The following NR5A2 variants were observed in gnomAD, a reference collection of about 807,000 sequenced individuals.
The protein encoded by NR5A2 is CYP7A promoter-binding factor.
NR5A2 carries 26 observed loss-of-function variants against 62.7 expected under a neutral mutation model. The observed-to-expected ratio is 0.41, with a 90% CI of 0.30 to 0.58. The LOEUF is 0.58. NR5A2 is among the 20% of genes least tolerant of loss of function. The probability of loss-of-function intolerance (pLI) is 0.22; values close to 1 mark genes in which losing one functional copy is unlikely to be tolerated. For missense variants in NR5A2, 541 were observed against 669.1 expected, an observed-to-expected ratio of 0.81 and a Z score of 2.11; for synonymous variants, 246 against 241.7, an observed-to-expected ratio of 1.02 and a Z score of -0.16.
chr1:200,145,998 T>G (rs2102353943), intron 7 of NR5A2, among the ~76,000 whole-genome samples: 1 of 152,322 alleles, frequency 6.6e-6, no homozygotes, highest in East Asian at 1.9e-4. Context: ...CTTCAAAAAT[T>G]TTACTTATCA....
chr1:200,048,613 C>A lies in NR5A2; in HGVS notation c.905C>A (p.Pro302Gln). ...SYQTSSPASI[P>Q]HLILELLKCE... ...CAGACGAGCTCTCCAGCAAGCATCC[C>A]ACATCTGATACTGGAACTTTTGAAG... Residue 302 changes from proline (P) to glutamine (Q), a missense_variant, in exon 5 of 8, where the codon CCA becomes CAA. By Grantham distance (76) the Pro-to-Gln change is moderately conservative (BLOSUM62 -1). Transcript: ENST00000367362. The surrounding 1 kb of genome is among the most constrained non-coding windows in gnomAD (Gnocchi z 4.8). 6.2e-7 allele frequency: 1 copy of A among 1,614,186 alleles called. No homozygotes were observed. Among genetic ancestry groups the A allele is most frequent in the Middle Eastern group, 1.6e-4 (1 of 6,062 alleles).
intron 7 of NR5A2, among the ~76,000 whole-genome samples, chr1:200,155,275 A>AT (rs1431067775): frequency 6.6e-6 from 1 of 152,218 alleles, no homozygotes; most frequent in Non-Finnish European, 1.5e-5. Context: ...ACATTTATGC[A>AT]TTTTTTCTTT....
intron 7 of NR5A2, among the ~76,000 whole-genome samples, chr1:200,161,816 T>C (rs1488808610): frequency 1.3e-5 from 2 of 152,260 alleles, no homozygotes; most frequent in African/African-American, 4.8e-5. Flanking sequence ...AATTTGCATA[T>C]GCTTTGTATT....
At chr1:200,068,807 T>A (rs58775070) in intron 5 of NR5A2, among the ~76,000 whole-genome samples, 2 of 152,116 alleles carry the variant, frequency 1.3e-5, no homozygotes, top group Non-Finnish European at 2.9e-5. Flanking sequence ...AGAATATCAT[T>A]TGGGCTAGGA....
rs138090879 is a variant in NR5A2, at chr1:200,067,239, C to T, written c.1110+18421C>T. 5.1e-3 allele frequency among the ~76,000 whole-genome samples: 774 copies of T among 152,074 alleles called. 9 individuals carry two copies. The highest frequency in any genetic ancestry group is 0.018 in the African/African-American group (739 of 41,490). On this transcript the variant is annotated intron_variant, in intron 5 of 7. Coordinates refer to ENST00000367362, the MANE Select transcript of NR5A2 (RefSeq NM_205860.3). The stretch of plus-strand genomic sequence containing the variant: ...AGCAAAGGAACACAGGAACAGAAAA[C>T]CAAATACCTCATATTCTCACTTATA...
intron 1 of NR5A2, among the ~76,000 whole-genome samples, chr1:200,036,449 G>A (rs1297510227): frequency 1.3e-5 from 2 of 152,180 alleles, no homozygotes; most frequent in Non-Finnish European, 2.9e-5. Context: ...GAGTTCTGAG[G>A]GAGAAGAAAG....
At chr1:200,042,445 A>G (rs541647531) in intron 2 of NR5A2, among the ~76,000 whole-genome samples, 9 of 152,202 alleles carry the variant, frequency 5.9e-5, no homozygotes, top group Non-Finnish European at 1.3e-4. Flanking sequence ...GTGGCGGAGG[A>G]CTTTGGCGAT....
chr1:200,052,927 A>C (rs527574358), intron 5 of NR5A2, among the ~76,000 whole-genome samples: 4 of 152,310 alleles, frequency 2.6e-5, no homozygotes, highest in South Asian at 4.1e-4. Flanking sequence ...GGCATGAGCC[A>C]CCGCACCCGG....
chr1:200,111,220 C>G lies in NR5A2; in HGVS notation c.1129C>G (p.Leu377Val). The G allele has an allele frequency of 6.2e-7, 1 of 1,611,600 alleles. No individual in the cohort carries two copies. The highest frequency in any genetic ancestry group is 8.5e-7 in the Non-Finnish European group (1 of 1,179,372). The change falls in exon 6 of 8, where the codon CTG becomes GTG. Residue 377 changes from leucine (L) to valine (V), a missense_variant. Physicochemically the swap from Leu to Val is conservative, Grantham distance 32 (BLOSUM62 1). Around this residue, in one of 3 missense-constraint regions of NR5A2, gnomAD observed 379 missense variants for 442.0 expected, o/e 0.86. Transcript: ENST00000367362. ...TTTGCAGGTTGATGACCAAATGAAG[C>G]TGCTTCAGAACTGCTGGAGTGAGCT... ...RELKVDDQMK[L>V]LQNCWSELLI...
rs1310501465 is a variant in NR5A2, at chr1:200,039,887, C to T, written c.202+92C>T. The T allele has an allele frequency of 1.4e-6, 2 of 1,417,658 alleles. No homozygotes were observed. The highest frequency in any genetic ancestry group is 1.8e-6 in the Non-Finnish European group (2 of 1,082,346). The allele number at this position is 1,417,658 out of a possible 1,614,324, so 87.8% of individuals were successfully genotyped here. A position where few individuals can be genotyped will look rare whatever the true frequency, so the allele number is the denominator to read the frequency against. Reference sequence around the variant, plus strand: ...TTCAGCCTCCCGCCCCGCGCGGGCGCGGGAGTAGCCCCGCTGGGCGCTCGC... The same window carrying T: ...TTCAGCCTCCCGCCCCGCGCGGGCGTGGGAGTAGCCCCGCTGGGCGCTCGC... On this transcript the variant is annotated intron_variant, in intron 2 of 7. Coordinates refer to ENST00000367362, the MANE Select transcript of NR5A2 (RefSeq NM_205860.3). The surrounding 1 kb of genome is among the most constrained non-coding windows in gnomAD (Gnocchi z 5.1).
intron 5 of NR5A2, among the ~76,000 whole-genome samples, chr1:200,093,464 A>G (rs190868643): frequency 7.0e-4 from 106 of 152,290 alleles, no homozygotes; most frequent in Middle Eastern, 3.4e-3. Flanking sequence ...AATATTTCCA[A>G]TTTTTAAAAG....
At chr1:200,141,712 C>T (rs1409172464) in intron 7 of NR5A2, among the ~76,000 whole-genome samples, 2 of 152,068 alleles carry the variant, frequency 1.3e-5, no homozygotes, top group Admixed American at 1.3e-4. Context: ...TACTAATAAA[C>T]CATCCTAGTT....
intron 7 of NR5A2, among the ~76,000 whole-genome samples, chr1:200,124,988 T>C (rs1311827392): frequency 6.6e-6 from 1 of 152,110 alleles, no homozygotes; most frequent in Non-Finnish European, 1.5e-5. Flanking sequence ...TAATAGGAGG[T>C]GGTTTAGCTA....
chr1:200,148,063 C>A, intron 7 of NR5A2: 2 of 288,942 alleles, frequency 6.9e-6, no homozygotes, highest in South Asian at 1.4e-4. Flanking sequence ...CCCATGCAGT[C>A]GGGGCCCGCC....
intron 7 of NR5A2, among the ~76,000 whole-genome samples, chr1:200,161,102 G>C (rs565087510): frequency 6.6e-6 from 1 of 152,138 alleles, no homozygotes; most frequent in South Asian, 2.1e-4. Flanking sequence ...AGACCTCCAA[G>C]ACCAGCCAAG....
intron 5 of NR5A2, among the ~76,000 whole-genome samples, chr1:200,060,070 G>A (rs1663127302): frequency 6.6e-6 from 1 of 152,078 alleles, no homozygotes; most frequent in Non-Finnish European, 1.5e-5. Context: ...CAGTGGCATG[G>A]GCGCCCTGGC....
At chr1:200,118,083 C>G (rs1666322881) in intron 6 of NR5A2, among the ~76,000 whole-genome samples, 1 of 137,316 alleles carries the variant, frequency 7.3e-6, no homozygotes, top group African/African-American at 2.7e-5. Flanking sequence ...GTGGTGCAAT[C>G]TCAGTTCACC....
At chr1:200,074,475 C>T (rs554845746) in intron 5 of NR5A2, among the ~76,000 whole-genome samples, 376 of 151,510 alleles carry the variant, frequency 2.5e-3, no homozygotes, top group African/African-American at 8.4e-3. Context: ...CGGTGGGTCA[C>T]GTCTGTAATC....
chr1:200,048,600 C>T lies in NR5A2; in HGVS notation c.892C>T (p.Pro298Ser). ...TATGGATAGTTACCAGACGAGCTCT[C>T]CAGCAAGCATCCCACATCTGATACT... ...SYMDSYQTSSPASIPHLILEL... is the reference protein window; with the variant it reads ...SYMDSYQTSSSASIPHLILEL... Residue 298 changes from proline to serine, a missense_variant, in exon 5 of 8, where the codon CCA (proline) becomes TCA (serine). Pro to Ser is a moderately conservative substitution (Grantham distance 74, BLOSUM62 -1). Around this residue, in one of 3 missense-constraint regions of NR5A2, gnomAD observed 379 missense variants for 442.0 expected, o/e 0.86. Transcript: ENST00000367362. The surrounding 1 kb of genome is among the most constrained non-coding windows in gnomAD (Gnocchi z 4.8). 2 of 1,614,190 alleles carry T rather than the reference C, an allele frequency of 1.2e-6. No homozygotes were observed. The highest frequency in any genetic ancestry group is 1.7e-6 in the Non-Finnish European group (2 of 1,180,030).
Sources: allele counts gnomAD v4.1 joint callset (sites outside exome capture counted in the v4.1 genomes callset), GRCh38; gene constraint gnomAD v4.1.1; regional missense constraint gnomAD v4.1.1; non-coding constraint Gnocchi (gnomAD v3.1); transcripts MANE v1.5; gene names NCBI Gene and HGNC (gene_info 2026-07-23, HGNC 2026-07-21).